Variants in LINS1 observed in about 807,000 individuals in gnomAD.
LINS1 encodes lines homolog 1.
LINS1 carries 27 observed loss-of-function variants against 41.6 expected under a neutral mutation model. The ratio of observed to expected loss-of-function variants is 0.65; its 90% confidence interval spans 0.48 to 0.89. The LOEUF is 0.89. Ranked by LOEUF, LINS1 falls within the 40% of genes least tolerant of loss-of-function variation. LINS1 has a pLI of 0.00. For missense variants in LINS1, 955 were observed against 884.1 expected (o/e 1.08, Z -1.02); for synonymous variants, 336 against 312.9 (o/e 1.07, Z -0.78).
rs764259284 is a variant in LINS1 at position 100,575,107 on chromosome 15, T to C, written c.511A>G (p.Ile171Val). ...GAAAGATTTTTCTGGCAAAAAGCAATCCAGGAATTACTTAAGGTTATCTAC... is the reference window on the plus strand; with the variant it reads ...GAAAGATTTTTCTGGCAAAAAGCAACCCAGGAATTACTTAAGGTTATCTAC... ...REKITLSNSW[I>V]AFCQKNLSEY... The change falls in exon 4 of 7, where the codon ATT becomes GTT. Residue 171 changes from isoleucine to valine, a missense_variant. Physicochemically the swap from Ile to Val is conservative, Grantham distance 29 (BLOSUM62 3). Transcript: ENST00000314742. The C allele has an allele frequency of 6.2e-6, 10 of 1,612,240 alleles. 1 individual carries two copies. In the South Asian group the frequency reaches 1.1e-4, roughly 18 times the overall value.
intron 1 of LINS1, among the ~76,000 whole-genome samples, chr15:100,599,836 C>T (rs887186735): frequency 4.6e-5 from 7 of 152,208 alleles, no homozygotes; most frequent in South Asian, 2.1e-4. Flanking sequence ...GAGGCCGAGG[C>T]GGGTGGATCA....
intron 1 of LINS1, among the ~76,000 whole-genome samples, chr15:100,594,070 T>A (rs4965680): frequency 5.8e-4 from 88 of 152,056 alleles, no homozygotes; most frequent in African/African-American, 1.9e-3. Flanking sequence ...TGGCAAAAAA[T>A]GGCATAATAT....
intron 5 of LINS1, 200 bp downstream of exon 5, chr15:100,573,451 G>T: frequency 2.1e-6 from 2 of 943,476 alleles, no homozygotes; most frequent in Non-Finnish European, 2.9e-6. Context: ...CAAATTCATT[G>T]TAGGCACAAA....
chr15:100,569,680 G>A lies in LINS1; in HGVS notation c.1832C>T (p.Thr611Ile), dbSNP rs1411166068. The A allele has an allele frequency of 6.2e-7, 1 of 1,613,768 alleles. No homozygotes were observed. Among genetic ancestry groups the A allele is most frequent in the Non-Finnish European group, 8.5e-7 (1 of 1,179,868 alleles). Residue 611 changes from threonine to isoleucine, a missense_variant, in exon 7 of 7, where the codon ACC becomes ATC. Physicochemically the swap from Thr to Ile is moderately conservative, Grantham distance 89. Coordinates refer to ENST00000314742, the MANE Select transcript of LINS1 (RefSeq NM_001040616.3). ...GGAAGACAGACTAGAAGCACACATGGTGTGAGCCCCCTTGGACATCACAGC... is the reference window on the plus strand; with the variant it reads ...GGAAGACAGACTAGAAGCACACATGATGTGAGCCCCCTTGGACATCACAGC... ...LKAVMSKGAHTMCASSLSSPR... is the reference protein window; with the variant it reads ...LKAVMSKGAHIMCASSLSSPR...
Position 100,571,942 on chromosome 15 carries a change from A to G in LINS1, c.1346T>C (p.Met449Thr). ...SRVFIEQDDD[M>T]LEAAKASLGI... is the part of the protein sequence containing the mutation. ...CAGTGATGCCTTGGCAGCCTCCAGC[A>G]TGTCATCGTCTTGTTCTATGAAAAC... Residue 449 changes from methionine to threonine, a missense_variant, in exon 6 of 7, where the codon ATG becomes ACG. By Grantham distance (81) the Met-to-Thr change is moderately conservative. Coordinates refer to ENST00000314742, the MANE Select transcript of LINS1 (RefSeq NM_001040616.3). The G allele has an allele frequency of 6.2e-7, 1 of 1,614,260 alleles. No individual in the cohort carries two copies. Among genetic ancestry groups the G allele is most frequent in the Non-Finnish European group, 8.5e-7 (1 of 1,180,044 alleles).
Position 100,569,726 on chromosome 15 carries a change from C to T in LINS1, c.1786G>A (p.Ala596Thr), listed in dbSNP as rs1482981113. The change falls in exon 7 of 7, where the codon GCT becomes ACT. Residue 596 changes from alanine to threonine, a missense_variant. Coordinates refer to ENST00000314742, the MANE Select transcript of LINS1 (RefSeq NM_001040616.3). ...VCARHSWASD[A>T]PSEPLKAVMS... ...ACAGCTTTCAGTGGTTCAGAGGGAG[C>T]ATCGGAAGCCCAGGAGTGCCGAGCA... 1 of 1,613,742 alleles carries T rather than the reference C, an allele frequency of 6.2e-7. No homozygotes were observed. Among genetic ancestry groups the T allele is most frequent in the Admixed American group, 1.7e-5 (1 of 59,990 alleles).
rs1353841146 is a variant in LINS1, at chr15:100,569,715, T to C, written c.1797A>G (p.Glu599=). 6.2e-7 allele frequency: 1 copy of C among 1,613,758 alleles called. No homozygotes were observed. Among genetic ancestry groups the C allele is most frequent in the Admixed American group, 1.7e-5 (1 of 59,994 alleles). Residue 599 remains glutamate, a synonymous_variant, in exon 7 of 7, where the codon GAA becomes GAG. Transcript: ENST00000314742. The part of the protein sequence containing the change: ...RHSWASDAPS[E]PLKAVMSKGA... Reference sequence around the variant, plus strand: ...CCTTGGACATCACAGCTTTCAGTGGTTCAGAGGGAGCATCGGAAGCCCAGG... The same window carrying C: ...CCTTGGACATCACAGCTTTCAGTGGCTCAGAGGGAGCATCGGAAGCCCAGG...
intron 1 of LINS1, among the ~76,000 whole-genome samples, chr15:100,591,807 G>C (rs1888708020): frequency 6.6e-6 from 1 of 152,136 alleles, no homozygotes; most frequent in South Asian, 2.1e-4. Flanking sequence ...AGAGGGGCGA[G>C]AGTTCCATGA....
At chr15:100,600,551 C>CCAAAA (rs777968890) in intron 1 of LINS1, among the ~76,000 whole-genome samples, 1 of 79,674 alleles carries the variant, frequency 1.3e-5, no homozygotes, top group African/African-American at 6.7e-5. Flanking sequence ...TGCTGTTAAG[C>CCAAAA]AAAAAAAAAA....
In LINS1 at chr15:100,580,954, G is replaced by T. The variant is rs2038514252; in HGVS notation, c.-103-9C>A. 2 of 991,076 alleles carry T rather than the reference G, an allele frequency of 2.0e-6. No individual in the cohort carries two copies. Among genetic ancestry groups the T allele is most frequent in the African/African-American group, 3.3e-5 (2 of 60,906 alleles). 61.4% of individuals were successfully genotyped at this position (991,076 alleles called of 1,614,324 possible). ...AGTTTCTTCAGTGAAACCTAAAATA[G>T]GAAAAATAATTTAAAAATTCTAACT... is the stretch of plus-strand genomic sequence containing the variant. On this transcript the variant is annotated splice_polypyrimidine_tract_variant and intron_variant, in intron 1 of 6. Transcript: ENST00000314742.
At position 100,580,661 on chromosome 15, in the gene LINS1, G is replaced by C. The variant is rs924977525; in HGVS notation, c.182C>G (p.Pro61Arg). The change falls in exon 2 of 7, where the codon CCC becomes CGC. Residue 61 changes from proline to arginine, a missense_variant. Transcript: ENST00000314742. Reference sequence around the variant, plus strand: ...AATGGGAGCCACACCAACAGAGATGGGCTGATGCCTGCCCTGGATACCACA... The same window carrying C: ...AATGGGAGCCACACCAACAGAGATGCGCTGATGCCTGCCCTGGATACCACA... ...NTCGIQGRHQ[P>R]ISVGVAPIAV... 1.2e-6 allele frequency: 2 copies of C among 1,613,924 alleles called. No homozygotes were observed.
Position 100,574,113 on chromosome 15 carries a change from C to G in LINS1, c.760G>C (p.Asp254His). 3.7e-6 allele frequency: 6 copies of G among 1,614,074 alleles called. No homozygotes were observed. The highest frequency in any genetic ancestry group is 5.1e-6 in the Non-Finnish European group (6 of 1,179,936). ...GAGGCGATGAGAAGCTCAAGCAAAT[C>G]CAGGAAACACATCAGGATGTTTACT... ...KIVNILMCFLDLLELLIASRI... is the reference protein window; with the variant it reads ...KIVNILMCFLHLLELLIASRI... Residue 254 changes from aspartate (D) to histidine (H), a missense_variant, in exon 5 of 7, where the codon GAT becomes CAT. By Grantham distance (81) the Asp-to-His change is moderately conservative. Coordinates refer to ENST00000314742, the MANE Select transcript of LINS1 (RefSeq NM_001040616.3).
chr15:100,575,744 C>T (rs1391020382), intron 3 of LINS1, among the ~76,000 whole-genome samples: 1 of 152,228 alleles, frequency 6.6e-6, no homozygotes, highest in Admixed American at 6.5e-5. Flanking sequence ...CCACACCACA[C>T]CTATTCCAAA....
At chr15:100,590,724 A>C (rs2038998211) in intron 1 of LINS1, among the ~76,000 whole-genome samples, 1 of 152,204 alleles carries the variant, frequency 6.6e-6, no homozygotes, top group South Asian at 2.1e-4. Context: ...AAAAGTATAG[A>C]GATTCATCGT....
In LINS1 at chr15:100,589,888, CTT is replaced by C. The variant is rs2038960244; in HGVS notation, c.-103-8945_-103-8944del. Among the ~76,000 whole-genome samples the C allele has an allele frequency of 2.0e-5, 3 of 152,162 alleles. No individual in the cohort carries two copies. The South Asian group carries it at 6.2e-4, about 32-fold the overall frequency. On this transcript the variant is annotated intron_variant, in intron 1 of 6. Transcript: ENST00000314742. ...GTGTATTTTCACTAGGTACAGAAAG[CTT>C]TTTATGGTTTGCTGAGGACAATCAA...
In LINS1 at chr15:100,574,113, C is replaced by A. The variant is rs2038013622; in HGVS notation, c.760G>T (p.Asp254Tyr). 2.5e-6 allele frequency: 4 copies of A among 1,614,074 alleles called. No individual in the cohort carries two copies. Among genetic ancestry groups the A allele is most frequent in the Non-Finnish European group, 3.4e-6 (4 of 1,179,936 alleles). ...KIVNILMCFL[D>Y]LLELLIASRI... ...GAGGCGATGAGAAGCTCAAGCAAAT[C>A]CAGGAAACACATCAGGATGTTTACT... Residue 254 changes from aspartate to tyrosine, a missense_variant, in exon 5 of 7, where the codon GAT becomes TAT. Asp to Tyr is a radical substitution (Grantham distance 160, BLOSUM62 -3). Coordinates refer to ENST00000314742, the MANE Select transcript of LINS1 (RefSeq NM_001040616.3).
intron 3 of LINS1, among the ~76,000 whole-genome samples, chr15:100,576,356 CCATAGAAATACAAACT>C (rs1310636253): frequency 1.3e-5 from 2 of 152,162 alleles, no homozygotes; most frequent in African/African-American, 4.8e-5. Flanking sequence ...ACCACTGATT[CCATAGAAATACAAACT>C]ACCATCAGAG....
At chr15:100,585,643 AG>A (rs1312333508) in intron 1 of LINS1, among the ~76,000 whole-genome samples, 4 of 152,216 alleles carry the variant, frequency 2.6e-5, no homozygotes, top group African/African-American at 9.7e-5. Context: ...TAGGGTTCCA[AG>A]CTATTGGATC....
In LINS1 at chr15:100,571,961, T is replaced by C. The variant is rs2141269908; in HGVS notation, c.1327A>G (p.Ile443Val). Residue 443 changes from isoleucine to valine, a missense_variant, in exon 6 of 7, where the codon ATA becomes GTA. By Grantham distance (29) the Ile-to-Val change is conservative. Coordinates refer to ENST00000314742, the MANE Select transcript of LINS1 (RefSeq NM_001040616.3). Reference protein sequence around the residue: ...NPCKWLSRVFIEQDDDMLEAA... With the variant: ...NPCKWLSRVFVEQDDDMLEAA... ...TCCAGCATGTCATCGTCTTGTTCTATGAAAACCCGAGACAGCCATTTGCAC... is the reference window on the plus strand; with the variant it reads ...TCCAGCATGTCATCGTCTTGTTCTACGAAAACCCGAGACAGCCATTTGCAC... 3 of 1,614,220 alleles carry C rather than the reference T, an allele frequency of 1.9e-6. No individual in the cohort carries two copies. Among genetic ancestry groups the C allele is most frequent in the South Asian group, 1.1e-5 (1 of 91,092 alleles).
Sources: allele counts gnomAD v4.1 joint callset (sites outside exome capture counted in the v4.1 genomes callset), GRCh38; gene constraint gnomAD v4.1.1; transcripts MANE v1.5; gene names NCBI Gene and HGNC (gene_info 2026-07-23, HGNC 2026-07-21).